CRHR1: variants seen among roughly 807,000 people sequenced by gnomAD.
CRHR1 encodes the protein corticotropin-releasing hormone receptor 1.
Under a neutral mutation model 56.0 loss-of-function variants are expected in CRHR1, and 28 were observed. The observed-to-expected ratio is 0.50, with a 90% CI of 0.37 to 0.69. The LOEUF is 0.69. CRHR1 is among the 30% of genes least tolerant of loss of function. The pLI is 0.00. For synonymous variants in CRHR1, 195 were observed against 216.5 expected, an observed-to-expected ratio of 0.90 and a Z score of 0.87; for missense variants, 376 against 548.0, an observed-to-expected ratio of 0.69 and a Z score of 3.13.
At chr17:45,789,643 G>A (rs2061393202) in intron 1 of CRHR1, among the ~76,000 whole-genome samples, 2 of 152,204 alleles carry the variant, frequency 1.3e-5, no homozygotes, top group Non-Finnish European at 2.9e-5. Flanking sequence ...CTCCCAAAGT[G>A]TAGGGTTACA....
chr17:45,801,488 C>T (rs142025041), intron 1 of CRHR1, among the ~76,000 whole-genome samples: 3 of 152,328 alleles, frequency 2.0e-5, no homozygotes, highest in South Asian at 2.1e-4. Flanking sequence ...GAGCCGCACG[C>T]ACCCTTGGCC....
At chr17:45,798,543 A>G (rs2146283418) in intron 1 of CRHR1, among the ~76,000 whole-genome samples, 1 of 151,954 alleles carries the variant, frequency 6.6e-6, no homozygotes, top group Non-Finnish European at 1.5e-5. Context: ...AAAAAAAAAA[A>G]AAGCCAAACA....
intron 1 of CRHR1, among the ~76,000 whole-genome samples, chr17:45,787,666 G>A (rs566426478): frequency 3.9e-5 from 6 of 152,332 alleles, no homozygotes; most frequent in Admixed American, 2.6e-4. Context: ...TCTGTTTCAC[G>A]TTACTCCCGA....
At chr17:45,795,638 T>C (rs2061504044) in intron 1 of CRHR1, among the ~76,000 whole-genome samples, 2 of 152,202 alleles carry the variant, frequency 1.3e-5, no homozygotes, top group African/African-American at 4.8e-5. Flanking sequence ...CTTCTGTTGA[T>C]GCTTCAGAAT....
intron 1 of CRHR1, among the ~76,000 whole-genome samples, chr17:45,791,107 G>A (rs932336479): frequency 7.2e-5 from 11 of 152,116 alleles, no homozygotes; most frequent in African/African-American, 2.7e-4. Flanking sequence ...TTGGCAAGGT[G>A]TGTGAAGGGC....
intron 1 of CRHR1, among the ~76,000 whole-genome samples, chr17:45,804,891 T>C (rs1187348831): frequency 2.0e-5 from 3 of 151,762 alleles, no homozygotes; most frequent in Non-Finnish European, 2.9e-5. Context: ...CTCGGCTCAC[T>C]ACAACCTCAA....
At chr17:45,819,508 G>A (rs1054847647) in intron 3 of CRHR1, among the ~76,000 whole-genome samples, 2 of 151,724 alleles carry the variant, frequency 1.3e-5, no homozygotes, top group African/African-American at 4.8e-5. Flanking sequence ...ATCCCTGGAG[G>A]TATTTCAGAG....
At chr17:45,801,128 G>A (rs1379134738) in intron 1 of CRHR1, among the ~76,000 whole-genome samples, 1 of 152,178 alleles carries the variant, frequency 6.6e-6, no homozygotes, top group Non-Finnish European at 1.5e-5. Context: ...TGGGGGTGTG[G>A]GTAGCAGCTG....
At chr17:45,816,030 G>C (rs1006923475) in intron 2 of CRHR1, among the ~76,000 whole-genome samples, 2 of 152,206 alleles carry the variant, frequency 1.3e-5, no homozygotes, top group African/African-American at 2.4e-5. Context: ...GAGACGTGAG[G>C]GGCTAGGTCA....
At chr17:45,791,264 C>A (rs375861878) in intron 1 of CRHR1, among the ~76,000 whole-genome samples, 1 of 152,010 alleles carries the variant, frequency 6.6e-6, no homozygotes, top group African/African-American at 2.4e-5. Flanking sequence ...CGGGTCCAGG[C>A]GGGGTTTTAC....
At chr17:45,814,529 T>C (rs983689767) in intron 2 of CRHR1, among the ~76,000 whole-genome samples, 1 of 152,190 alleles carries the variant, frequency 6.6e-6, no homozygotes, top group African/African-American at 2.4e-5. Flanking sequence ...AATAATCACA[T>C]TGCCAGATGT....
At chr17:45,832,385 C>T (rs1220872956) in intron 8 of CRHR1, among the ~76,000 whole-genome samples, 1 of 152,196 alleles carries the variant, frequency 6.6e-6, no homozygotes, top group East Asian at 1.9e-4. Context: ...ACCAGAGGCC[C>T]GAGGACTGGA....
At chr17:45,808,106 A>G (rs2061753189) in intron 2 of CRHR1, among the ~76,000 whole-genome samples, 1 of 152,168 alleles carries the variant, frequency 6.6e-6, no homozygotes, top group South Asian at 2.1e-4. Context: ...AGCACCTACT[A>G]CACAGCAGGC....
At position 45,833,787 on chromosome 17, in the gene CRHR1, G is replaced by C; in HGVS notation, c.1003G>C (p.Gly335Arg). The change falls in exon 11 of 13, where the codon GGG becomes CGG. Residue 335 changes from glycine (G) to arginine (R), a missense_variant. Physicochemically the swap from Gly to Arg is moderately radical, Grantham distance 125. Transcript: ENST00000314537. ...ITYMLFFVNP[G>R]EDEVSRVVFI... is the part of the protein sequence containing the mutation. ...CTACATGCTGTTCTTCGTCAATCCC[G>C]GGGAGGATGAGGTCTCCCGGGTCGT... 6.3e-7 allele frequency: 1 copy of C among 1,598,532 alleles called. No homozygotes were observed. The highest frequency in any genetic ancestry group is 8.5e-7 in the Non-Finnish European group (1 of 1,171,192).
chr17:45,829,324 G>A lies in CRHR1; in HGVS notation c.434+3G>A. On this transcript the variant is annotated splice_donor_region_variant and intron_variant, in intron 5 of 12. Coordinates refer to ENST00000314537, the MANE Select transcript of CRHR1 (RefSeq NM_004382.5). ...TTTGTCCTCTTTCTGCGGCTCAGGT[G>A]AGAAGACCCCAGCACTGCCTCCTCC... is the stretch of plus-strand genomic sequence containing the variant. 1.9e-6 allele frequency: 3 copies of A among 1,611,916 alleles called. No homozygotes were observed. The highest frequency in any genetic ancestry group is 1.1e-5 in the South Asian group (1 of 90,784).
intron 3 of CRHR1, among the ~76,000 whole-genome samples, chr17:45,817,572 ACT>A (rs1293908472): frequency 2.0e-5 from 3 of 151,646 alleles, no homozygotes; most frequent in African/African-American, 7.3e-5. Flanking sequence ...CCAGCTCAAA[ACT>A]CCCAGATTCC....
chr17:45,834,063 G>A lies in CRHR1; in HGVS notation c.1107+15G>A, dbSNP rs1209353472. 3.1e-6 allele frequency: 5 copies of A among 1,612,624 alleles called. No individual in the cohort carries two copies. The highest frequency in any genetic ancestry group is 4.2e-6 in the Non-Finnish European group (5 of 1,178,886). On this transcript the variant is annotated intron_variant, in intron 12 of 12. Transcript: ENST00000314537. ...TCAATAGTGAGGTGAGGACCCGGGG[G>A]CCCTGCAGCGGGGTTCAGGGCTGTG...
chr17:45,810,285 AAATAAT>A (rs538777115), intron 2 of CRHR1, among the ~76,000 whole-genome samples: 1 of 151,660 alleles, frequency 6.6e-6, no homozygotes, highest in Non-Finnish European at 1.5e-5. Flanking sequence ...ACTCTGTCTC[AAATAAT>A]AATAATAATA....
At chr17:45,821,730 A>G (rs1371661314) in intron 4 of CRHR1, among the ~76,000 whole-genome samples, 3 of 152,136 alleles carry the variant, frequency 2.0e-5, no homozygotes, top group Non-Finnish European at 4.4e-5. Flanking sequence ...TGCACTGGGC[A>G]TGGGACTGTC....
Sources: gnomAD v4.1 joint callset for allele counts (sites outside exome capture counted in the v4.1 genomes callset) on GRCh38, gnomAD v4.1.1 for gene constraint, MANE v1.5 for transcripts, NCBI Gene and HGNC (gene_info 2026-07-23, HGNC 2026-07-21) for gene names.